Variants in MAP4K4 observed in about 807,000 individuals in gnomAD.
MAP4K4 encodes mitogen-activated protein kinase kinase kinase kinase 4, also known as HPK/GCK-like kinase HGK.
A neutral mutation model predicts 189.6 loss-of-function variants in MAP4K4; 38 were observed. The ratio of observed to expected loss-of-function variants is 0.20; its 90% CI spans 0.15 to 0.26. The LOEUF (loss-of-function observed/expected upper bound fraction) is 0.26. Among genes scored for constraint, MAP4K4 ranks in the 10% least tolerant of loss-of-function variants. The pLI is 1.00. For synonymous variants in MAP4K4, 610 were observed against 624.3 expected (o/e 0.98, Z 0.34); for missense variants, 1,054 against 1,726.9 (o/e 0.61, Z 6.91).
intron 23 of MAP4K4, among the ~76,000 whole-genome samples, chr2:101,871,292 C>G (rs927529124): frequency 6.6e-6 from 1 of 152,174 alleles, no homozygotes; most frequent in Non-Finnish European, 1.5e-5. Flanking sequence ...GTGCAGCCAC[C>G]AGATTAGGTA....
At chr2:101,777,503 C>T (rs2150472892) in intron 2 of MAP4K4, among the ~76,000 whole-genome samples, 2 of 152,302 alleles carry the variant, frequency 1.3e-5, no homozygotes, top group Middle Eastern at 6.8e-3. Context: ...TCCCGCAGGG[C>T]GAGTGGCAAG....
chr2:101,755,583 G>T (rs2072043680), intron 2 of MAP4K4, among the ~76,000 whole-genome samples: 1 of 152,148 alleles, frequency 6.6e-6, no homozygotes. Flanking sequence ...CTTTATGTCT[G>T]TCTGTCTGTC....
chr2:101,829,628 T>C lies in MAP4K4; in HGVS notation c.508+34T>C, dbSNP rs376893887. 130 of 1,482,012 alleles carry C rather than the reference T, an allele frequency of 8.8e-5. 1 individual carries two copies. The African/African-American group carries it at 1.6e-3, about 18-fold the overall frequency. The allele number at this position is 1,482,012 out of a possible 1,614,324, so 91.8% of individuals were successfully genotyped here. A position where few individuals can be genotyped will look rare whatever the true frequency, so the allele number is the denominator to read the frequency against. ...TGGATGTGCGGCGTGATCTCATAATTGCACCTGGCACAAGCCAGCTGCACT... is the reference window on the plus strand; with the variant it reads ...TGGATGTGCGGCGTGATCTCATAATCGCACCTGGCACAAGCCAGCTGCACT... On this transcript the variant is annotated intron_variant, in intron 6 of 32. Transcript: ENST00000324219.
At chr2:101,809,665 G>C (rs1326682501) in intron 3 of MAP4K4, among the ~76,000 whole-genome samples, 1 of 152,204 alleles carries the variant, frequency 6.6e-6, no homozygotes, top group Non-Finnish European at 1.5e-5. Flanking sequence ...TATTCCATCA[G>C]TTGCTTAGTT....
chr2:101,753,955 C>T (rs1036601878), intron 2 of MAP4K4, among the ~76,000 whole-genome samples: 4 of 152,036 alleles, frequency 2.6e-5, no homozygotes, highest in African/African-American at 4.8e-5. Flanking sequence ...GGACAGCTAG[C>T]GCCTGGGGTC....
At chr2:101,769,659 C>T (rs1211542618) in intron 2 of MAP4K4, among the ~76,000 whole-genome samples, 1 of 151,930 alleles carries the variant, frequency 6.6e-6, no homozygotes, top group Non-Finnish European at 1.5e-5. Flanking sequence ...TCTTGGCTCA[C>T]TGCAACCTCT....
intron 29 of MAP4K4, among the ~76,000 whole-genome samples, chr2:101,885,715 TGAC>T (rs929679146): frequency 6.6e-6 from 1 of 152,202 alleles, no homozygotes; most frequent in Non-Finnish European, 1.5e-5. Context: ...GAAATTCTGA[TGAC>T]AACATTATAT....
At chr2:101,867,550 G>A (rs1225064334) in intron 20 of MAP4K4, 3 of 464,470 alleles carry the variant, frequency 6.5e-6, no homozygotes, top group African/African-American at 3.9e-5. Context: ...CATACACTTG[G>A]TGTACAGTCA....
intron 2 of MAP4K4, among the ~76,000 whole-genome samples, chr2:101,786,022 C>T (rs1414960781): frequency 1.3e-5 from 2 of 152,024 alleles, no homozygotes; most frequent in East Asian, 1.9e-4. Flanking sequence ...GATGGGGTTT[C>T]ACCATGTTGG....
chr2:101,887,680 A>T, intron 30 of MAP4K4, 98 bp from the exon 31 acceptor site: 3 of 806,504 alleles, frequency 3.7e-6, no homozygotes, highest in Non-Finnish European at 5.9e-6. Context: ...CTTCAGAGAT[A>T]TGGTACCAGT....
chr2:101,793,659 T>G (rs1386704337), intron 3 of MAP4K4, among the ~76,000 whole-genome samples: 1 of 151,618 alleles, frequency 6.6e-6, no homozygotes, highest in East Asian at 1.9e-4. Flanking sequence ...CACAGATTGG[T>G]TCTGACTCTT....
chr2:101,891,493 T>A, exon 33 of MAP4K4: 1 of 412,554 alleles, frequency 2.4e-6, no homozygotes, highest in South Asian at 3.1e-5. Context: ...CTGTTCAGAT[T>A]CTACCATCAG....
chr2:101,776,738 G>A (rs1484843127), intron 2 of MAP4K4, among the ~76,000 whole-genome samples: 1 of 151,986 alleles, frequency 6.6e-6, no homozygotes, highest in African/African-American at 2.4e-5. Flanking sequence ...CAGATGCCAG[G>A]GTAATTTGAA....
chr2:101,709,961 A>G (rs987552273), intron 2 of MAP4K4, among the ~76,000 whole-genome samples: 1 of 152,218 alleles, frequency 6.6e-6, no homozygotes, highest in Admixed American at 6.5e-5. Flanking sequence ...GAAAATTCTT[A>G]TACTGCAGAG....
intron 20 of MAP4K4, chr2:101,867,566 A>T (rs1204620580): frequency 6.9e-6 from 3 of 433,894 alleles, no homozygotes; most frequent in Non-Finnish European, 1.2e-5. Context: ...AGTCAGCCTT[A>T]CAAAATTATG....
chr2:101,718,201 A>C (rs2049520024), intron 2 of MAP4K4, among the ~76,000 whole-genome samples: 3 of 151,360 alleles, frequency 2.0e-5, no homozygotes, highest in Non-Finnish European at 2.9e-5. Context: ...GGTTGCGGTG[A>C]GCCAAGATCG....
intron 26 of MAP4K4, among the ~76,000 whole-genome samples, chr2:101,876,216 A>T (rs2098199952): frequency 6.6e-6 from 1 of 152,032 alleles, no homozygotes; most frequent in African/African-American, 2.4e-5. Context: ...GCAGCGTGGA[A>T]TTAGGAGTTA....
chr2:101,785,975 G>A (rs1255712883), intron 2 of MAP4K4, among the ~76,000 whole-genome samples: 2 of 151,972 alleles, frequency 1.3e-5, no homozygotes, highest in East Asian at 3.9e-4. Context: ...ATAGGCGCCC[G>A]CCACCATGCC....
At chr2:101,861,122 T>A in intron 16 of MAP4K4, 136 bp downstream of exon 16, 1 of 761,230 alleles carries the variant, frequency 1.3e-6, no homozygotes, top group Non-Finnish European at 2.1e-6. Context: ...GAGTTTAGAC[T>A]AAAAGAAGGC....
Sources: allele counts gnomAD v4.1 joint callset (sites outside exome capture counted in the v4.1 genomes callset), GRCh38; gene constraint gnomAD v4.1.1; transcripts MANE v1.5; gene names NCBI Gene and HGNC (gene_info 2026-07-23, HGNC 2026-07-21).